The following PCDHGC4 variants were observed in gnomAD, a reference collection of about 807,000 sequenced individuals.
PCDHGC4 encodes the protein protocadherin gamma-C4.
Under a neutral mutation model 59.7 loss-of-function variants are expected in PCDHGC4, and 15 were observed. The observed-to-expected ratio is 0.25, with a 90% CI of 0.17 to 0.39. The LOEUF (loss-of-function observed/expected upper bound fraction) is 0.39. Ranked by LOEUF, PCDHGC4 falls within the 10% of genes least tolerant of loss-of-function variation. The probability of loss-of-function intolerance (pLI) is 1.00; values close to 1 mark genes in which losing one functional copy is unlikely to be tolerated. For missense variants in PCDHGC4, 1,016 were observed against 1,189.5 expected, an observed-to-expected ratio of 0.85 and a Z score of 2.15; for synonymous variants, 434 against 481.4, an observed-to-expected ratio of 0.90 and a Z score of 1.29.
chr5:141,489,073 C>A lies in PCDHGC4; in HGVS notation c.2442+1458C>A, dbSNP rs2099681983. 3.2e-6 allele frequency: 1 copy of A among 315,630 alleles called. No individual in the cohort carries two copies. The highest frequency in any genetic ancestry group is 5.7e-6 in the Non-Finnish European group (1 of 173,976). 19.6% of individuals were successfully genotyped at this position (315,630 alleles called of 1,614,324 possible). A position where few individuals can be genotyped will look rare whatever the true frequency, so the allele number is the denominator to read the frequency against. ...ATTCAGCTCCCCTCCCCCCTGCCCA[C>A]CCCCGCCACTCGGTGACTAAGAACT... On this transcript the variant is annotated intron_variant, in intron 1 of 3. Coordinates refer to ENST00000306593, the MANE Select transcript of PCDHGC4 (RefSeq NM_018928.3). The surrounding 1 kb of genome is among the most constrained non-coding windows in gnomAD (Gnocchi z 4.5).
chr5:141,490,454 CG>C lies in PCDHGC4; in HGVS notation c.2442+2840del. ...ATTAAGCCTTCTGAGAACCACTACT[CG>C]CTGCTAACCAGCCAGCCTTTGGACC... On this transcript the variant is annotated intron_variant, in intron 1 of 3. Coordinates refer to ENST00000306593, the MANE Select transcript of PCDHGC4 (RefSeq NM_018928.3). This position sits in a 1 kb window ranked among gnomAD's most constrained non-coding sequence, Gnocchi z 5.4. The C allele has an allele frequency of 1.2e-6, 2 of 1,614,176 alleles. No individual in the cohort carries two copies. Among genetic ancestry groups the C allele is most frequent in the Non-Finnish European group, 1.7e-6 (2 of 1,180,020 alleles).
Position 141,505,441 on chromosome 5 carries a change from C to A in PCDHGC4, c.2550C>A (p.Asp850Glu), listed in dbSNP as rs2099846055. 6.2e-7 allele frequency: 1 copy of A among 1,614,084 alleles called. No individual in the cohort carries two copies. Among genetic ancestry groups the A allele is most frequent in the Non-Finnish European group, 8.5e-7 (1 of 1,180,024 alleles). Reference sequence around the variant, plus strand: ...GCACCTGGCCCAACAACCAGTTTGACACAGAGATGCTGCAAGCCATGATCT... The same window carrying A: ...GCACCTGGCCCAACAACCAGTTTGAAACAGAGATGCTGCAAGCCATGATCT... ...DTGTWPNNQFDTEMLQAMILA... is the reference protein window; with the variant it reads ...DTGTWPNNQFETEMLQAMILA... Residue 850 changes from aspartate to glutamate, a missense_variant, in exon 3 of 4, where the codon GAC becomes GAA. Transcript: ENST00000306593.
Position 141,491,742 on chromosome 5 carries a change from C to CA in PCDHGC4, c.2443-3064dup. The CA allele has an allele frequency of 3.1e-6, 5 of 1,596,114 alleles. No individual in the cohort carries two copies. Among genetic ancestry groups the CA allele is most frequent in the Non-Finnish European group, 4.3e-6 (5 of 1,172,424 alleles). ...CGCCCCGGGCGACCCCTGGGGGCGG[C>CA]ACTGGAGAAGCCGCCCGTCCTCATA... On this transcript the variant is annotated intron_variant, in intron 1 of 3. Coordinates refer to ENST00000306593, the MANE Select transcript of PCDHGC4 (RefSeq NM_018928.3). This position sits in a 1 kb window ranked among gnomAD's most constrained non-coding sequence, Gnocchi z 6.9.
At chr5:141,494,768 C>T (rs758949982) in intron 1 of PCDHGC4, 39 bp from the exon 2 acceptor site, 1 of 1,614,060 alleles carries the variant, frequency 6.2e-7, no homozygotes, top group South Asian at 1.1e-5. Flanking sequence ...TCTAACTTCT[C>T]ACGGGTACTC....
Position 141,491,188 on chromosome 5 carries a change from G to A in PCDHGC4, c.2442+3573G>A. On this transcript the variant is annotated intron_variant, in intron 1 of 3. Transcript: ENST00000306593. This position sits in a 1 kb window ranked among gnomAD's most constrained non-coding sequence, Gnocchi z 6.9. Reference sequence around the variant, plus strand: ...CCAGCAGGTGGTGGTCCTGGTGAGGGACAATGGTGACCCTTCACTCTCCTC... The same window carrying A: ...CCAGCAGGTGGTGGTCCTGGTGAGGAACAATGGTGACCCTTCACTCTCCTC... The A allele has an allele frequency of 6.2e-7, 1 of 1,614,198 alleles. No individual in the cohort carries two copies. The highest frequency in any genetic ancestry group is 1.1e-5 in the South Asian group (1 of 91,086).
chr5:141,496,802 A>G (rs1483438160), intron 2 of PCDHGC4, among the ~76,000 whole-genome samples: 1 of 152,050 alleles, frequency 6.6e-6, no homozygotes, highest in Admixed American at 6.6e-5. Flanking sequence ...ACATTGGGCT[A>G]TAGGAGTGAA....
Position 141,490,142 on chromosome 5 carries a change from C to A in PCDHGC4, c.2442+2527C>A. On this transcript the variant is annotated intron_variant, in intron 1 of 3. Coordinates refer to ENST00000306593, the MANE Select transcript of PCDHGC4 (RefSeq NM_018928.3). This position sits in a 1 kb window ranked among gnomAD's most constrained non-coding sequence, Gnocchi z 5.4. The stretch of plus-strand genomic sequence containing the variant: ...TTTGGCCTAGACCCTAGCAGTGGGG[C>A]AATCCATGTGTTGGGTCCCATAGAC... The A allele has an allele frequency of 1.9e-6, 3 of 1,614,220 alleles. No individual in the cohort carries two copies. The highest frequency in any genetic ancestry group is 2.7e-5 in the African/African-American group (2 of 75,060).
At chr5:141,506,566 T>C (rs909998933) in intron 3 of PCDHGC4, among the ~76,000 whole-genome samples, 33 of 152,022 alleles carry the variant, frequency 2.2e-4, no homozygotes, top group Non-Finnish European at 2.9e-5. Flanking sequence ...ACCCCCTCGG[T>C]TTCACTTACT....
intron 1 of PCDHGC4, among the ~76,000 whole-genome samples, chr5:141,494,177 TG>T (rs2099752471): frequency 6.6e-6 from 1 of 152,176 alleles, no homozygotes; most frequent in Non-Finnish European, 1.5e-5. Flanking sequence ...GGGTGAGAAG[TG>T]TCCCGGGACT....
chr5:141,510,141 T>C (rs1596266322), intron 3 of PCDHGC4, among the ~76,000 whole-genome samples: 1 of 152,014 alleles, frequency 6.6e-6, no homozygotes. Flanking sequence ...GGGCTAGTGG[T>C]GTGCACCTGT....
rs141034739 is a variant in PCDHGC4 at position 141,491,100 on chromosome 5, C to T, written c.2442+3485C>T. The T allele has an allele frequency of 2.7e-4, 430 of 1,614,138 alleles. No homozygotes were observed. The African/African-American group carries it at 4.7e-3, about 18-fold the overall frequency. ...AGTCCACAGCCCCAGGACTGTTCCT[C>T]GTGTCTACACACACTGGTGAGGTGC... On this transcript the variant is annotated intron_variant, in intron 1 of 3. Transcript: ENST00000306593. The surrounding 1 kb of genome is among the most constrained non-coding windows in gnomAD (Gnocchi z 6.9).
At position 141,490,776 on chromosome 5, in the gene PCDHGC4, G is replaced by A. The variant is rs1234115299; in HGVS notation, c.2442+3161G>A. 4.3e-6 allele frequency: 7 copies of A among 1,614,162 alleles called. No individual in the cohort carries two copies. Among genetic ancestry groups the A allele is most frequent in the African/African-American group, 1.3e-5 (1 of 75,066 alleles). On this transcript the variant is annotated intron_variant, in intron 1 of 3. Transcript: ENST00000306593. This position sits in a 1 kb window ranked among gnomAD's most constrained non-coding sequence, Gnocchi z 5.4. ...CCTCCTTTGTGTATGTCAACCCAGA[G>A]GATGGACGGATCTTTGCCCAGCGTA...
chr5:141,510,791 A>C (rs1244085822), intron 3 of PCDHGC4, 156 bp from the exon 4 acceptor site: 1 of 929,250 alleles, frequency 1.1e-6, no homozygotes, highest in Non-Finnish European at 1.3e-6. Context: ...AACTCTTGTG[A>C]AGAGAGACTA....
At position 141,491,150 on chromosome 5, in the gene PCDHGC4, A is replaced by G; in HGVS notation, c.2442+3535A>G. On this transcript the variant is annotated intron_variant, in intron 1 of 3. Coordinates refer to ENST00000306593, the MANE Select transcript of PCDHGC4 (RefSeq NM_018928.3). This position sits in a 1 kb window ranked among gnomAD's most constrained non-coding sequence, Gnocchi z 6.9. ...CGCACAGCCCGGGCCTTACTGGAGG[A>G]TGACTCTGACACCCAGCAGGTGGTG... is the stretch of plus-strand genomic sequence containing the variant. 1 of 1,614,122 alleles carries G rather than the reference A, an allele frequency of 6.2e-7. No individual in the cohort carries two copies. Among genetic ancestry groups the G allele is most frequent in the African/African-American group, 1.3e-5 (1 of 75,060 alleles).
chr5:141,492,071 C>T (rs992716777), intron 1 of PCDHGC4: 7 of 481,874 alleles, frequency 1.5e-5, no homozygotes, highest in African/African-American at 1.4e-4. Context: ...CTCCTAGGCG[C>T]CGGCTCCGGC....
In PCDHGC4 at chr5:141,491,667, G is replaced by C. The variant is rs746903142; in HGVS notation, c.2443-3140G>C. The C allele has an allele frequency of 3.7e-6, 6 of 1,613,678 alleles. No individual in the cohort carries two copies. The South Asian group carries it at 6.6e-5, about 18-fold the overall frequency. On this transcript the variant is annotated intron_variant, in intron 1 of 3. Transcript: ENST00000306593. This position sits in a 1 kb window ranked among gnomAD's most constrained non-coding sequence, Gnocchi z 6.9. Reference sequence around the variant, plus strand: ...TGGCGCTGGAGCCTGACGCCATCCGGTCCCGCTCTAATACGCTGCGGGAGC... The same window carrying C: ...TGGCGCTGGAGCCTGACGCCATCCGCTCCCGCTCTAATACGCTGCGGGAGC...
At chr5:141,498,372 C>A (rs1008996197) in intron 2 of PCDHGC4, among the ~76,000 whole-genome samples, 3 of 151,730 alleles carry the variant, frequency 2.0e-5, no homozygotes, top group Admixed American at 1.3e-4. Flanking sequence ...GTGGTGAGGC[C>A]TCCTGGGATC....
Position 141,485,563 on chromosome 5 carries a change from C to T in PCDHGC4, c.390C>T (p.Ala130=), listed in dbSNP as rs746689576. The T allele has an allele frequency of 1.2e-5, 19 of 1,612,904 alleles. No homozygotes were observed. In the South Asian group the frequency reaches 1.6e-4, roughly 14 times the overall value. ...AGATCGTAGATGTGAATGATCACGCCCCCCGTTTTCCGCGGCAGCAGCTGG... is the reference window on the plus strand; with the variant it reads ...AGATCGTAGATGTGAATGATCACGCTCCCCGTTTTCCGCGGCAGCAGCTGG... The part of the protein sequence containing the change: ...EVEIVDVNDH[A]PRFPRQQLDL... The change falls in exon 1 of 4, where the codon GCC becomes GCT. Residue 130 remains alanine, a synonymous_variant. Coordinates refer to ENST00000306593, the MANE Select transcript of PCDHGC4 (RefSeq NM_018928.3). This position sits in a 1 kb window ranked among gnomAD's most constrained non-coding sequence, Gnocchi z 5.7.
intron 3 of PCDHGC4, among the ~76,000 whole-genome samples, chr5:141,510,194 G>T (rs920127442): frequency 6.6e-6 from 1 of 151,462 alleles, no homozygotes. Context: ...AATCACTTGA[G>T]CCCAGGAGGC....
Sources: gnomAD v4.1 joint callset for allele counts (sites outside exome capture counted in the v4.1 genomes callset) on GRCh38, gnomAD v4.1.1 for gene constraint, Gnocchi (gnomAD v3.1) non-coding constraint, MANE v1.5 for transcripts, NCBI Gene and HGNC (gene_info 2026-07-23, HGNC 2026-07-21) for gene names.